The following LYG2 variants were observed in gnomAD, a reference collection of about 807,000 sequenced individuals.
LYG2 encodes the protein lysozyme g-like protein 2.
In LYG2, 25 loss-of-function variants were observed where a neutral mutation model predicts 22.4. The observed-to-expected ratio is 1.12, with a 90% CI of 0.81 to 1.56. LYG2 has a LOEUF of 1.56. Among genes scored for constraint, LYG2 ranks in the 40% most tolerant of loss-of-function variants. The pLI, the probability that LYG2 is intolerant of heterozygous loss-of-function variation, is 0.00. For missense variants in LYG2, 266 were observed against 269.5 expected, an observed-to-expected ratio of 0.99 and a Z score of 0.09; for synonymous variants, 88 against 97.0, an observed-to-expected ratio of 0.91 and a Z score of 0.55.
At chr2:99,251,634 A>G (rs896137842) in intron 3 of LYG2, among the ~76,000 whole-genome samples, 2 of 152,032 alleles carry the variant, frequency 1.3e-5, no homozygotes, top group Non-Finnish European at 2.9e-5. Context: ...GCCACTGAAA[A>G]CACCTGAAAT....
At position 99,250,654 on chromosome 2, in the gene LYG2, G is replaced by A. The variant is rs571241069; in HGVS notation, c.43+3564C>T. ...CTCCCAAAGTGCTGGGATTACAGGC[G>A]TGAGCCACCACGCCTGGCTGCATTT... On this transcript the variant is annotated intron_variant, in intron 3 of 6. Transcript: ENST00000333017. Among the ~76,000 whole-genome samples, 48 of 152,316 alleles carry A rather than the reference G, an allele frequency of 3.2e-4. 1 individual carries two copies. The highest frequency in any genetic ancestry group is 1.0e-3 in the South Asian group (5 of 4,826).
chr2:99,254,599 TA>T (rs200666216), intron 2 of LYG2, among the ~76,000 whole-genome samples: 58 of 148,910 alleles, frequency 3.9e-4, no homozygotes, highest in South Asian at 1.3e-3. Context: ...CCTTTCTTTT[TA>T]AAAAAAAAAA....
upstream of LYG2, among the ~76,000 whole-genome samples, chr2:99,260,402 G>A (rs1214712417): frequency 6.6e-6 from 1 of 152,172 alleles, no homozygotes; most frequent in African/African-American, 2.4e-5. Flanking sequence ...CAATTTTAGA[G>A]TATTTTCATT....
chr2:99,261,185 G>A, the LYG2 span, among the ~76,000 whole-genome samples: 1 of 152,144 alleles, frequency 6.6e-6, no homozygotes, highest in Non-Finnish European at 1.5e-5. Context: ...ATGCAAGGAG[G>A]ATACAGGGAC....
intron 3 of LYG2, among the ~76,000 whole-genome samples, chr2:99,250,259 C>T (rs184229382): frequency 9.6e-4 from 145 of 151,734 alleles, no homozygotes; most frequent in Non-Finnish European, 1.7e-3. Context: ...GAATATATAG[C>T]GAGTTTATAG....
At chr2:99,250,372 T>TG (rs2094023971) in intron 3 of LYG2, among the ~76,000 whole-genome samples, 1 of 145,438 alleles carries the variant, frequency 6.9e-6, no homozygotes, top group Non-Finnish European at 1.5e-5. Flanking sequence ...ATTTTCCAAC[T>TG]CTTTTTTTTT....
chr2:99,256,468 A>G (rs2094036483), upstream of LYG2, among the ~76,000 whole-genome samples: 1 of 152,182 alleles, frequency 6.6e-6, no homozygotes, highest in Non-Finnish European at 1.5e-5. Flanking sequence ...CCCATAGTCT[A>G]TGACCCAGCG....
intron 3 of LYG2, among the ~76,000 whole-genome samples, chr2:99,253,466 C>T (rs943252088): frequency 6.6e-6 from 1 of 152,136 alleles, no homozygotes; most frequent in African/African-American, 2.4e-5. Context: ...ATTTTAGAAA[C>T]ACTTTCCTTT....
chr2:99,245,856 C>T (rs1342575284), intron 4 of LYG2, among the ~76,000 whole-genome samples: 1 of 152,066 alleles, frequency 6.6e-6, no homozygotes, highest in African/African-American at 2.4e-5. Flanking sequence ...GCCTGTAATC[C>T]CAGCACTTTG....
chr2:99,251,898 C>CACGATCTTGGCT (rs559117889), intron 3 of LYG2, among the ~76,000 whole-genome samples: 7 of 123,776 alleles, frequency 5.7e-5, no homozygotes, highest in African/African-American at 1.9e-4. Flanking sequence ...AGTGCAGTGG[C>CACGATCTTGGCT]CATTCTCCTG....
At chr2:99,252,834 C>T (rs1393256409) in intron 3 of LYG2, among the ~76,000 whole-genome samples, 1 of 151,870 alleles carries the variant, frequency 6.6e-6, no homozygotes, top group African/African-American at 2.4e-5. Context: ...ATCACGAGGT[C>T]AGGAGATCAA....
At chr2:99,245,240 T>C in intron 5 of LYG2, 22 bp downstream of exon 5, 13 of 1,564,830 alleles carry the variant, frequency 8.3e-6, no homozygotes, top group Middle Eastern at 1.7e-4. Flanking sequence ...GTGGGGCTGA[T>C]AGAAAGTTTC....
upstream of LYG2, among the ~76,000 whole-genome samples, chr2:99,259,333 T>G (rs1411254828): frequency 9.9e-5 from 15 of 151,950 alleles, no homozygotes; most frequent in Admixed American, 9.8e-4. Context: ...AGCTCAAAAC[T>G]GGAAACACTC....
intron 3 of LYG2, among the ~76,000 whole-genome samples, chr2:99,250,413 C>A (rs943677875): frequency 7.2e-6 from 1 of 138,120 alleles, no homozygotes; most frequent in Non-Finnish European, 1.5e-5. Flanking sequence ...CTTGCTCTGT[C>A]GCCCAGGCTG....
At chr2:99,251,078 T>C (rs192801176) in intron 3 of LYG2, among the ~76,000 whole-genome samples, 321 of 152,304 alleles carry the variant, frequency 2.1e-3, no homozygotes, top group Non-Finnish European at 3.7e-3. Flanking sequence ...AATGAAAAAC[T>C]GATAAAAATT....
intron 3 of LYG2, among the ~76,000 whole-genome samples, chr2:99,251,179 T>C (rs1373218361): frequency 6.6e-6 from 1 of 152,120 alleles, no homozygotes; most frequent in African/African-American, 2.4e-5. Flanking sequence ...TTTGGAACCA[T>C]GTAAATGTTA....
chr2:99,248,595 A>AGTGG (rs1373566133), intron 3 of LYG2, among the ~76,000 whole-genome samples: 1 of 110,544 alleles, frequency 9.0e-6, no homozygotes, highest in Non-Finnish European at 1.8e-5. Context: ...GGGTGGAGGG[A>AGTGG]GGGGGGAGGG....
chr2:99,258,240 G>A (rs2094040102), upstream of LYG2, among the ~76,000 whole-genome samples: 1 of 152,202 alleles, frequency 6.6e-6, no homozygotes, highest in Non-Finnish European at 1.5e-5. Context: ...TTCCTCATCT[G>A]TAAAATGGAG....
rs149859515 is a variant in LYG2, at chr2:99,244,123, C to G, written c.396G>C (p.Thr132=). 2.5e-6 allele frequency: 4 copies of G among 1,612,802 alleles called. No individual in the cohort carries two copies. In the African/African-American group the frequency reaches 5.3e-5, roughly 22 times the overall value. ...KFGLMQLDKQ[T]YHPVGAWDSK... is the part of the protein sequence containing the mutation. ...TATCCCAGGCACCGACAGGGTGGTA[C>G]GTTTGTTTATCAAGCTAGAAAATTC... The change falls in exon 6 of 7, where the codon ACG becomes ACC. Residue 132 remains threonine (T), a synonymous_variant. Transcript: ENST00000333017.
Sources: allele counts gnomAD v4.1 joint callset (sites outside exome capture counted in the v4.1 genomes callset), GRCh38; gene constraint gnomAD v4.1.1; transcripts MANE v1.5; gene names NCBI Gene and HGNC (gene_info 2026-07-23, HGNC 2026-07-21).